Variants in PDZRN3 observed in about 807,000 individuals in gnomAD.
PDZRN3 encodes PDZ domain containing ring finger 3.
PDZRN3 carries 38 observed loss-of-function variants against 85.7 expected under a neutral mutation model. That is an observed-to-expected ratio of 0.44 (90% confidence interval 0.34 to 0.58). PDZRN3 has a LOEUF of 0.58. PDZRN3 is among the 20% of genes least tolerant of loss of function. The pLI is 0.01. For synonymous variants in PDZRN3, 759 were observed against 638.0 expected (o/e 1.19, Z -2.86); for missense variants, 1,629 against 1,506.4 (o/e 1.08, Z -1.35).
intron 3 of PDZRN3, among the ~76,000 whole-genome samples, chr3:73,584,455 GTGTGTGT>G (rs772019576): frequency 0.064 from 3,069 of 47,936 alleles, 123 homozygotes; most frequent in African/African-American, 0.22. Context: ...ATTTAATGGT[GTGTGTGT>G]GTGTGTGTGT....
intron 3 of PDZRN3, among the ~76,000 whole-genome samples, chr3:73,577,461 A>G (rs1702141471): frequency 6.6e-6 from 1 of 152,192 alleles, no homozygotes; most frequent in Admixed American, 6.5e-5. Context: ...TCCTCCTGCC[A>G]GAGAGCTTCC....
At chr3:73,506,858 G>C (rs887826825) in intron 3 of PDZRN3, among the ~76,000 whole-genome samples, 1 of 150,324 alleles carries the variant, frequency 6.7e-6, no homozygotes, top group Non-Finnish European at 1.5e-5. Flanking sequence ...AGCTATGACT[G>C]TGCCACTGTA....
intron 7 of PDZRN3, 51 bp from the exon 8 acceptor site, chr3:73,388,120 T>C (rs369101738): frequency 1.4e-5 from 12 of 866,366 alleles, no homozygotes; most frequent in Non-Finnish European, 1.8e-5. Context: ...AATAGCATGA[T>C]TAGATGGTGC....
Position 73,384,301 on chromosome 3 carries a change from C to T in PDZRN3, c.2265G>A (p.Ser755=), listed in dbSNP as rs764528764. 13 of 1,612,608 alleles carry T rather than the reference C, an allele frequency of 8.1e-6. No individual in the cohort carries two copies. In the East Asian group the frequency reaches 1.1e-4, roughly 14 times the overall value. The change falls in exon 10 of 10, where the codon TCG becomes TCA. Residue 755 remains serine, a synonymous_variant. Coordinates refer to ENST00000263666, the MANE Select transcript of PDZRN3 (RefSeq NM_015009.3). The part of the protein sequence containing the change: ...ELPEKSDKDS[S]SAYNTGESCR... ...AGCTCTCGCCTGTGTTGTAGGCGCT[C>T]GAGCTGTCCTTGTCGGATTTCTCCG...
At chr3:73,549,466 C>A (rs1350825610) in intron 3 of PDZRN3, among the ~76,000 whole-genome samples, 1 of 152,190 alleles carries the variant, frequency 6.6e-6, no homozygotes, top group Non-Finnish European at 1.5e-5. Context: ...GGACACAGAA[C>A]AGCTGCTTAT....
intron 3 of PDZRN3, among the ~76,000 whole-genome samples, chr3:73,490,339 C>G (rs2106657625): frequency 6.6e-6 from 1 of 152,294 alleles, no homozygotes; most frequent in Admixed American, 6.5e-5. Flanking sequence ...CATGTACGCC[C>G]ACTACGAAGA....
intron 3 of PDZRN3, among the ~76,000 whole-genome samples, chr3:73,559,757 ATGG>A (rs1175636628): frequency 1.3e-5 from 2 of 152,246 alleles, no homozygotes; most frequent in Non-Finnish European, 2.9e-5. Context: ...AGAAGGATGG[ATGG>A]TGGTGTCTGA....
intron 3 of PDZRN3, among the ~76,000 whole-genome samples, chr3:73,432,851 G>T (rs919962702): frequency 6.6e-6 from 1 of 151,968 alleles, no homozygotes; most frequent in Non-Finnish European, 1.5e-5. Flanking sequence ...TTTGAAGAAT[G>T]ATTTTAGGAG....
At chr3:73,492,713 T>C (rs1027115109) in intron 3 of PDZRN3, among the ~76,000 whole-genome samples, 3 of 152,118 alleles carry the variant, frequency 2.0e-5, no homozygotes, top group African/African-American at 7.2e-5. Context: ...TGCTGTTCCA[T>C]AGGCCTGTGG....
At position 73,384,684 on chromosome 3, in the gene PDZRN3, C is replaced by T; in HGVS notation, c.1882G>A (p.Ala628Thr). ...AGGTAGTCGGCGTCCGTGCAGTCGGCCGAAATGAAAGACTCGTTGCTGAAG... is the reference window on the plus strand; with the variant it reads ...AGGTAGTCGGCGTCCGTGCAGTCGGTCGAAATGAAAGACTCGTTGCTGAAG... ...LPFSNESFIS[A>T]DCTDADYLGI... The change falls in exon 10 of 10, where the codon GCC becomes ACC. Residue 628 changes from alanine to threonine, a missense_variant. By Grantham distance (58) the Ala-to-Thr change is moderately conservative. Transcript: ENST00000263666. 6.2e-7 allele frequency: 1 copy of T among 1,614,014 alleles called. No individual in the cohort carries two copies.
rs532520324 is a variant in PDZRN3, at chr3:73,540,823, A to G, written c.918+61531T>C. On this transcript the variant is annotated intron_variant, in intron 3 of 9. Coordinates refer to ENST00000263666, the MANE Select transcript of PDZRN3 (RefSeq NM_015009.3). ...TAACACAATGATAAAGCACAAGAGT[A>G]TAACAAATGATTAGAGACTACAATT... is the stretch of plus-strand genomic sequence containing the variant. 2.6e-5 allele frequency among the ~76,000 whole-genome samples: 4 copies of G among 152,344 alleles called. No homozygotes were observed. In the South Asian group the frequency reaches 8.3e-4, roughly 32 times the overall value.
chr3:73,385,002 C>G, intron 9 of PDZRN3, 72 bp from the exon 10 acceptor site: 1 of 1,510,682 alleles, frequency 6.6e-7, no homozygotes, highest in East Asian at 2.3e-5. Flanking sequence ...TTGACCTTTC[C>G]TTGCGGTTTC....
intron 3 of PDZRN3, among the ~76,000 whole-genome samples, chr3:73,554,629 T>C (rs1331843718): frequency 2.0e-5 from 3 of 152,176 alleles, no homozygotes; most frequent in Non-Finnish European, 4.4e-5. Context: ...AGGTAAAGAC[T>C]TCCATATCCC....
At chr3:73,414,409 G>T (rs1702034959) in intron 3 of PDZRN3, among the ~76,000 whole-genome samples, 1 of 152,194 alleles carries the variant, frequency 6.6e-6, no homozygotes, top group African/African-American at 2.4e-5. Context: ...AACCTACAAA[G>T]AGTGGTTTGG....
In PDZRN3 at chr3:73,624,894, A is replaced by G; in HGVS notation, c.-69T>C. ...CCCCTCCCTCCCCACGAGGCGGCCCAGACAGGCCGGCTACGCCGCCCGCGC... is the reference window on the plus strand; with the variant it reads ...CCCCTCCCTCCCCACGAGGCGGCCCGGACAGGCCGGCTACGCCGCCCGCGC... On this transcript the variant is annotated 5_prime_UTR_variant, in exon 1 of 10. Transcript: ENST00000263666. 2.5e-6 allele frequency: 3 copies of G among 1,205,642 alleles called. No homozygotes were observed. Among genetic ancestry groups the G allele is most frequent in the Non-Finnish European group, 3.1e-6 (3 of 959,242 alleles). The allele number at this position is 1,205,642 out of a possible 1,614,324, so 74.7% of individuals were successfully genotyped here.
At chr3:73,457,233 C>T (rs1043024742) in intron 3 of PDZRN3, among the ~76,000 whole-genome samples, 2 of 152,004 alleles carry the variant, frequency 1.3e-5, no homozygotes, top group Admixed American at 6.6e-5. Flanking sequence ...CCACCATGCC[C>T]GGCTAATTTT....
intron 4 of PDZRN3, among the ~76,000 whole-genome samples, chr3:73,402,068 T>C (rs1239983719): frequency 2.0e-5 from 3 of 152,198 alleles, no homozygotes; most frequent in Non-Finnish European, 4.4e-5. Context: ...AAGCATCAAC[T>C]TAACATTCCC....
chr3:73,581,972 TGCCTGTGGTACCA>T (rs6147893), intron 3 of PDZRN3, among the ~76,000 whole-genome samples: 60,562 of 151,726 alleles, frequency 0.4, 12,436 homozygotes, highest in South Asian at 0.46. Flanking sequence ...TGGTGGCACG[TGCCTGTGGTACCA>T]GCTACCCAGG....
intron 2 of PDZRN3, among the ~76,000 whole-genome samples, chr3:73,603,833 C>T (rs1489489988): frequency 6.6e-6 from 1 of 151,670 alleles, no homozygotes; most frequent in Non-Finnish European, 1.5e-5. Flanking sequence ...ATGTACATTT[C>T]TCAGTCCTTC....
Sources: gnomAD v4.1 joint callset for allele counts (sites outside exome capture counted in the v4.1 genomes callset) on GRCh38, gnomAD v4.1.1 for gene constraint, MANE v1.5 for transcripts, NCBI Gene and HGNC (gene_info 2026-07-23, HGNC 2026-07-21) for gene names.